Variants in UTRN observed in about 807,000 individuals in gnomAD.
UTRN encodes dystrophin-related protein 1.
Under a neutral mutation model 463.9 loss-of-function variants are expected in UTRN, and 283 were observed. The ratio of observed to expected loss-of-function variants is 0.61; its 90% CI spans 0.55 to 0.67. The LOEUF is 0.67. Ranked by LOEUF, UTRN falls within the 30% of genes least tolerant of loss-of-function variation. UTRN has a pLI of 0.00. For missense variants in UTRN, 3,922 were observed against 4,084.3 expected (o/e 0.96, Z 1.08); for synonymous variants, 1,442 against 1,431.5 (o/e 1.01, Z -0.17).
chr6:144,322,421 C>T (rs192862494), intron 2 of UTRN, among the ~76,000 whole-genome samples: 89 of 152,218 alleles, frequency 5.8e-4, no homozygotes, highest in Middle Eastern at 6.8e-3. Context: ...CAGCTAATCC[C>T]CCTAAATCTG....
intron 61 of UTRN, 49 bp from the exon 62 acceptor site, chr6:144,789,145 G>C: frequency 7.0e-7 from 1 of 1,420,418 alleles, no homozygotes; most frequent in Non-Finnish European, 9.9e-7. Context: ...TGAACATGCT[G>C]TATATGGTTT....
At chr6:144,832,481 T>G (rs567594161) in intron 69 of UTRN, among the ~76,000 whole-genome samples, 1 of 152,330 alleles carries the variant, frequency 6.6e-6, no homozygotes, top group Non-Finnish European at 1.5e-5. Flanking sequence ...TTGGCTGGTT[T>G]CACTATGGAT....
At chr6:144,589,524 C>T (rs971593777) in intron 51 of UTRN, among the ~76,000 whole-genome samples, 8 of 152,130 alleles carry the variant, frequency 5.3e-5, no homozygotes, top group Non-Finnish European at 1.2e-4. Flanking sequence ...GCCAGTGTCT[C>T]TCTACCTGTA....
chr6:144,349,195 A>G lies in UTRN; in HGVS notation c.80-53928A>G, dbSNP rs187610700. Reference sequence around the variant, plus strand: ...GGCTAATTTTTTGTATTTTTAGTAGAGACGGGGTTTCCCCGTGTTAGCCAG... The same window carrying G: ...GGCTAATTTTTTGTATTTTTAGTAGGGACGGGGTTTCCCCGTGTTAGCCAG... On this transcript the variant is annotated intron_variant, in intron 2 of 74. Coordinates refer to ENST00000367545, the MANE Select transcript of UTRN (RefSeq NM_007124.3). Among the ~76,000 whole-genome samples the G allele has an allele frequency of 2.0e-5, 3 of 152,232 alleles. No homozygotes were observed. The East Asian group carries it at 5.8e-4, about 30-fold the overall frequency.
chr6:144,342,244 T>C (rs1217988706), intron 2 of UTRN, among the ~76,000 whole-genome samples: 2 of 151,984 alleles, frequency 1.3e-5, no homozygotes, highest in African/African-American at 4.8e-5. Context: ...AGTGGGAATG[T>C]AAAAGGATGC....
intron 64 of UTRN, among the ~76,000 whole-genome samples, chr6:144,800,627 A>T (rs899527877): frequency 1.3e-5 from 2 of 152,194 alleles, no homozygotes; most frequent in Non-Finnish European, 2.9e-5. Flanking sequence ...AGTTTCTTCA[A>T]CTTCAAATTC....
chr6:144,696,104 T>A (rs1783976784), intron 52 of UTRN, among the ~76,000 whole-genome samples: 1 of 152,164 alleles, frequency 6.6e-6, no homozygotes, highest in Non-Finnish European at 1.5e-5. Context: ...ACCTTTAACA[T>A]CATCATTTAA....
intron 2 of UTRN, among the ~76,000 whole-genome samples, chr6:144,337,194 C>CCACACACAAACACACACACA (rs1554219231): frequency 7.9e-5 from 10 of 126,704 alleles, no homozygotes; most frequent in African/African-American, 3.3e-4. Context: ...CACACACACA[C>CCACACACAAACACACACACA]CACACACACA....
At chr6:144,542,598 T>G (rs540235355) in intron 45 of UTRN, among the ~76,000 whole-genome samples, 197 bp from the exon 46 acceptor site, 1 of 152,096 alleles carries the variant, frequency 6.6e-6, no homozygotes, top group Non-Finnish European at 1.5e-5. Context: ...GACTGGTTGG[T>G]GTTTTTGATA....
At position 144,484,420 on chromosome 6, in the gene UTRN, TCAAAAAC is replaced by T. The variant is rs1792207683; in HGVS notation, c.3688-960_3688-954del. Among the ~76,000 whole-genome samples the T allele has an allele frequency of 6.7e-5, 10 of 148,892 alleles. No homozygotes were observed. The South Asian group carries it at 2.1e-3, about 31-fold the overall frequency. Reference sequence around the variant, plus strand: ...ATTGGGAGCAATTTTTTCATTTTGTTCAAAAACCAAACTTTTTTTTTTTTTTTTTTTT... The same window carrying T: ...ATTGGGAGCAATTTTTTCATTTTGTTCAAACTTTTTTTTTTTTTTTTTTTT... On this transcript the variant is annotated intron_variant, in intron 27 of 74. Coordinates refer to ENST00000367545, the MANE Select transcript of UTRN (RefSeq NM_007124.3).
At chr6:144,327,855 A>G (rs1776071308) in intron 2 of UTRN, among the ~76,000 whole-genome samples, 1 of 152,178 alleles carries the variant, frequency 6.6e-6, no homozygotes, top group South Asian at 2.1e-4. Context: ...GAGGCGGGAG[A>G]ATCACTTGAA....
intron 53 of UTRN, among the ~76,000 whole-genome samples, chr6:144,708,768 T>A (rs1785346016): frequency 6.6e-6 from 1 of 152,212 alleles, no homozygotes; most frequent in Admixed American, 6.5e-5. Context: ...TAACAGAATG[T>A]CAGGGACTGA....
chr6:144,529,149 A>C (rs1004396626), intron 41 of UTRN, among the ~76,000 whole-genome samples: 3 of 152,196 alleles, frequency 2.0e-5, no homozygotes, highest in African/African-American at 7.2e-5. Flanking sequence ...TCTTAGTCCT[A>C]TCAGGAACCC....
At chr6:144,714,875 CGGACTCTA>C (rs1309495344) in intron 53 of UTRN, among the ~76,000 whole-genome samples, 1 of 152,132 alleles carries the variant, frequency 6.6e-6, no homozygotes, top group Non-Finnish European at 1.5e-5. Context: ...AACTGTTCCT[CGGACTCTA>C]CTTGACTTCT....
intron 51 of UTRN, among the ~76,000 whole-genome samples, chr6:144,591,004 A>G (rs2128631766): frequency 6.6e-6 from 1 of 152,270 alleles, no homozygotes; most frequent in East Asian, 1.9e-4. Flanking sequence ...TACCGTTACC[A>G]CTATTGGTAG....
At chr6:144,615,173 T>G (rs1805952114) in intron 51 of UTRN, among the ~76,000 whole-genome samples, 1 of 152,172 alleles carries the variant, frequency 6.6e-6, no homozygotes, top group African/African-American at 2.4e-5. Context: ...CACAAAGCAC[T>G]AGATCTGTAG....
rs1232380080 is a variant in UTRN at position 144,285,403 on chromosome 6, G to T, written c.-511G>T. ...GGGCTTTCTCCCGCCGAGGGGCGAG[G>T]AGGAGCCTCTGGCTCCAGAAGCCGA... On this transcript the variant is annotated 5_prime_UTR_variant, in exon 1 of 75. Transcript: ENST00000367545. 6.6e-6 allele frequency among the ~76,000 whole-genome samples: 1 copy of T among 152,200 alleles called. No individual in the cohort carries two copies.
chr6:144,704,844 C>T (rs893020484), intron 53 of UTRN, among the ~76,000 whole-genome samples: 6 of 152,060 alleles, frequency 3.9e-5, no homozygotes, highest in African/African-American at 1.2e-4. Context: ...CGCCTGTAGT[C>T]CCAGCTATTT....
intron 50 of UTRN, among the ~76,000 whole-genome samples, chr6:144,561,758 G>A (rs1799948724): frequency 6.6e-6 from 1 of 152,086 alleles, no homozygotes; most frequent in African/African-American, 2.4e-5. Context: ...TGGGGTTATT[G>A]TGATATCAAA....
Sources: gnomAD v4.1 joint callset for allele counts (sites outside exome capture counted in the v4.1 genomes callset) on GRCh38, gnomAD v4.1.1 for gene constraint, MANE v1.5 for transcripts, NCBI Gene and HGNC (gene_info 2026-07-23, HGNC 2026-07-21) for gene names.